The following EXOC6B variants were observed in gnomAD, a reference collection of about 807,000 sequenced individuals.
EXOC6B encodes the protein SEC15 homolog B.
In EXOC6B, 54 loss-of-function variants were observed where a neutral mutation model predicts 113.5. That is an observed-to-expected ratio of 0.48 (90% CI 0.38 to 0.60). EXOC6B has a LOEUF of 0.60. Among genes scored for constraint, EXOC6B ranks in the 20% least tolerant of loss-of-function variants. The pLI is 0.00. For synonymous variants in EXOC6B, 357 were observed against 339.0 expected (o/e 1.05, Z -0.58); for missense variants, 797 against 977.5 (o/e 0.82, Z 2.46).
chr2:72,713,976 T>C (rs1012647650), intron 6 of EXOC6B, among the ~76,000 whole-genome samples: 5 of 152,156 alleles, frequency 3.3e-5, no homozygotes, highest in Non-Finnish European at 7.3e-5. Context: ...AGAAGTGAGA[T>C]GTGCCACTTA....
intron 11 of EXOC6B, among the ~76,000 whole-genome samples, chr2:72,511,685 C>T (rs1366948490): frequency 6.6e-6 from 1 of 152,092 alleles, no homozygotes; most frequent in Non-Finnish European, 1.5e-5. Flanking sequence ...TCCATTCAGC[C>T]CACTGTTTAA....
intron 20 of EXOC6B, among the ~76,000 whole-genome samples, chr2:72,218,638 G>A (rs1349384387): frequency 2.6e-5 from 4 of 151,708 alleles, no homozygotes; most frequent in African/African-American, 7.3e-5. Flanking sequence ...GCCTTGATCC[G>A]TCAGCTCTAC....
At chr2:72,738,929 T>C (rs1681132966) in intron 2 of EXOC6B, among the ~76,000 whole-genome samples, 1 of 152,208 alleles carries the variant, frequency 6.6e-6, no homozygotes. Context: ...ATCAAGGGAT[T>C]ATTGATAACA....
Position 72,499,932 on chromosome 2 carries a change from T to C in EXOC6B, c.1208A>G (p.Asn403Ser). The change falls in exon 12 of 22, where the codon AAC (asparagine) becomes AGC (serine). Residue 403 changes from asparagine (N) to serine (S), a missense_variant. By Grantham distance (46) the Asn-to-Ser change is conservative. Coordinates refer to ENST00000272427, the MANE Select transcript of EXOC6B (RefSeq NM_015189.3). ...SDPNLVLDLK[N>S]LIVLFADTLQ... The stretch of plus-strand genomic sequence containing the variant: ...TGTGTCAGCAAAAAGCACAATGAGG[T>C]TCTTCAAATCTAACACAAGGTTTGG... The C allele has an allele frequency of 2.6e-6, 4 of 1,553,496 alleles. No homozygotes were observed. The highest frequency in any genetic ancestry group is 3.5e-6 in the Non-Finnish European group (4 of 1,147,712).
chr2:72,466,276 C>T (rs564960761), intron 17 of EXOC6B, among the ~76,000 whole-genome samples: 12 of 147,918 alleles, frequency 8.1e-5, no homozygotes, highest in Non-Finnish European at 1.8e-4. Context: ...ACCCAGGAGG[C>T]GGAGGTTGCA....
chr2:72,250,496 C>T (rs1165000932), intron 20 of EXOC6B, among the ~76,000 whole-genome samples: 3 of 151,976 alleles, frequency 2.0e-5, no homozygotes, highest in Non-Finnish European at 4.4e-5. Context: ...GTGTATGCCA[C>T]CAGGCCTGGC....
chr2:72,822,527 T>C (rs555348908), intron 1 of EXOC6B, among the ~76,000 whole-genome samples: 30 of 152,220 alleles, frequency 2.0e-4, no homozygotes, highest in South Asian at 8.3e-4. Flanking sequence ...CCACTGTGAC[T>C]CCTCAAACAA....
chr2:72,708,103 C>A (rs1679006268), intron 6 of EXOC6B, among the ~76,000 whole-genome samples: 1 of 151,962 alleles, frequency 6.6e-6, no homozygotes, highest in South Asian at 2.1e-4. Context: ...ATATTAACCT[C>A]CTGAAACAAA....
chr2:72,428,336 C>T (rs1206904785), intron 18 of EXOC6B, among the ~76,000 whole-genome samples: 1 of 152,184 alleles, frequency 6.6e-6, no homozygotes, highest in Non-Finnish European at 1.5e-5. Context: ...GGTGGTGATT[C>T]CCTCTTTGGG....
chr2:72,197,883 C>T (rs767332149), intron 20 of EXOC6B, among the ~76,000 whole-genome samples: 2 of 152,168 alleles, frequency 1.3e-5, no homozygotes, highest in African/African-American at 2.4e-5. Context: ...TAAAGGCATT[C>T]ACATTTAGAT....
chr2:72,700,837 G>C (rs2104633869), intron 6 of EXOC6B, among the ~76,000 whole-genome samples: 2 of 152,240 alleles, frequency 1.3e-5, no homozygotes, highest in South Asian at 2.1e-4. Flanking sequence ...TGTAATCCCA[G>C]CTACTCGGGA....
At chr2:72,292,662 T>G (rs934262107) in intron 20 of EXOC6B, among the ~76,000 whole-genome samples, 1 of 152,204 alleles carries the variant, frequency 6.6e-6, no homozygotes, top group Non-Finnish European at 1.5e-5. Context: ...GAAACTCCTT[T>G]GTTTTACTTA....
At chr2:72,724,493 A>C (rs1680190830) in intron 5 of EXOC6B, among the ~76,000 whole-genome samples, 1 of 151,214 alleles carries the variant, frequency 6.6e-6, no homozygotes, top group East Asian at 1.9e-4. Context: ...TCTCTAAAGG[A>C]AAAAAAAAGC....
At chr2:72,654,691 T>C (rs554353772) in intron 6 of EXOC6B, among the ~76,000 whole-genome samples, 103 of 152,334 alleles carry the variant, frequency 6.8e-4, no homozygotes, top group African/African-American at 2.3e-3. Flanking sequence ...GCCAGAGCTA[T>C]TGTAAATTTT....
intron 7 of EXOC6B, among the ~76,000 whole-genome samples, chr2:72,565,161 T>C (rs971151417): frequency 2.0e-5 from 3 of 151,810 alleles, no homozygotes; most frequent in African/African-American, 7.2e-5. Flanking sequence ...GACCAGCCTG[T>C]GCAACATGAC....
At chr2:72,208,559 GC>G (rs1045192651) in intron 20 of EXOC6B, among the ~76,000 whole-genome samples, 48 of 152,112 alleles carry the variant, frequency 3.2e-4, no homozygotes, top group African/African-American at 1.1e-3. Context: ...AAATGCGTGT[GC>G]CTTTTTGGTA....
intron 20 of EXOC6B, among the ~76,000 whole-genome samples, chr2:72,257,248 C>T (rs539396397): frequency 1.2e-4 from 19 of 152,052 alleles, no homozygotes; most frequent in East Asian, 1.2e-3. Flanking sequence ...TTAGAAGTCA[C>T]GGAGCTTAAA....
At chr2:72,703,752 GT>G (rs1409668376) in intron 6 of EXOC6B, among the ~76,000 whole-genome samples, 21 of 109,246 alleles carry the variant, frequency 1.9e-4, no homozygotes, top group Non-Finnish European at 3.5e-4. Context: ...AAGAATGCTT[GT>G]GATTTTTGTA....
chr2:72,567,900 T>C (rs1438922217), intron 7 of EXOC6B, among the ~76,000 whole-genome samples: 3 of 152,026 alleles, frequency 2.0e-5, no homozygotes, highest in African/African-American at 4.8e-5. Context: ...ATGATAAAAA[T>C]AGAAAATCAC....
Sources: allele counts gnomAD v4.1 joint callset (sites outside exome capture counted in the v4.1 genomes callset), GRCh38; gene constraint gnomAD v4.1.1; transcripts MANE v1.5; gene names NCBI Gene and HGNC (gene_info 2026-07-23, HGNC 2026-07-21).